The following CPT1B variants were observed in gnomAD, a reference collection of about 807,000 sequenced individuals.
CPT1B encodes the protein carnitine O-palmitoyltransferase 1, muscle isoform.
CPT1B carries 57 observed loss-of-function variants against 92.7 expected under a neutral mutation model. That is an observed-to-expected ratio of 0.62 (90% CI 0.50 to 0.77). CPT1B has a LOEUF of 0.77. Among genes scored for constraint, CPT1B ranks in the 30% least tolerant of loss-of-function variants. The pLI is 0.00. For missense variants in CPT1B, 983 were observed against 1,017.4 expected (o/e 0.97, Z 0.46); for synonymous variants, 398 against 383.5 (o/e 1.04, Z -0.44).
chr22:50,577,959 C>T, intron 1 of CPT1B, 25 bp from the exon 2 acceptor site: 1 of 1,572,640 alleles, frequency 6.4e-7, no homozygotes, highest in Non-Finnish European at 8.7e-7. Flanking sequence ...GATGGGTGCG[C>T]GGGCGCGCTT....
At position 50,574,683 on chromosome 22, in the gene CPT1B, G is replaced by A. The variant is rs190469616; in HGVS notation, c.778-83C>T. 2.4e-5 allele frequency: 25 copies of A among 1,043,072 alleles called. No homozygotes were observed. The Admixed American group carries it at 3.2e-4, about 13-fold the overall frequency. 64.6% of individuals were successfully genotyped at this position (1,043,072 alleles called of 1,614,324 possible). On this transcript the variant is annotated intron_variant, in intron 7 of 19. Coordinates refer to ENST00000312108, the MANE Select transcript of CPT1B (RefSeq NM_152246.3). ...TGCTGACCCAAGGACCAATCTATTC[G>A]GGGGCCTGAGGTGTTCTGTCTCCCT...
Position 50,573,002 on chromosome 22 carries a change from A to C in CPT1B, c.1225T>G (p.Leu409Val). The C allele has an allele frequency of 6.2e-7, 1 of 1,613,476 alleles. No individual in the cohort carries two copies. The highest frequency in any genetic ancestry group is 1.1e-5 in the South Asian group (1 of 91,076). ...AAAGCGGCACGCTCGATGGCCTCCAAGGCAGCCTTATTCTTTCCAGAGCTA... is the reference window on the plus strand; with the variant it reads ...AAAGCGGCACGCTCGATGGCCTCCACGGCAGCCTTATTCTTTCCAGAGCTA... The part of the protein sequence containing the change: ...FFSSGKNKAA[L>V]EAIERAAFFV... The change falls in exon 11 of 20, where the codon TTG becomes GTG. Residue 409 changes from leucine (L) to valine (V), a missense_variant. Transcript: ENST00000312108. This position sits in a 1 kb window ranked among gnomAD's most constrained non-coding sequence, Gnocchi z 5.0.
In CPT1B at chr22:50,574,355, C is replaced by T. The variant is rs778804317; in HGVS notation, c.950G>A (p.Arg317Gln). The part of the protein sequence containing the change: ...YQMERMFNTT[R>Q]IPGKDTDVLQ... Reference sequence around the variant, plus strand: ...GTTACCTGTGTCCTTGCCCGGGATCCGAGTGGTGTTGAACATCCTCTCCAT... The same window carrying T: ...GTTACCTGTGTCCTTGCCCGGGATCTGAGTGGTGTTGAACATCCTCTCCAT... Residue 317 changes from arginine (R) to glutamine (Q), a missense_variant, in exon 9 of 20, where the codon CGG becomes CAG. Coordinates refer to ENST00000312108, the MANE Select transcript of CPT1B (RefSeq NM_152246.3). 1.7e-5 allele frequency: 28 copies of T among 1,613,378 alleles called. No individual in the cohort carries two copies. Among genetic ancestry groups the T allele is most frequent in the Middle Eastern group, 1.6e-4 (1 of 6,078 alleles).
chr22:50,576,700 A>T, intron 4 of CPT1B, 63 bp from the exon 5 acceptor site: 1 of 1,567,810 alleles, frequency 6.4e-7, no homozygotes, highest in South Asian at 1.1e-5. Context: ...CCAACCAGCA[A>T]CTCCCTGAGA....
Position 50,577,312 on chromosome 22 carries a change from T to C in CPT1B, c.281+12A>G. ...CTGGTGGCACCTGTGCCCTTCCAGT[T>C]TCACTCCTTACCCCTGAGGGAGGCA... On this transcript the variant is annotated intron_variant, in intron 3 of 19. Transcript: ENST00000312108. 1.2e-6 allele frequency: 2 copies of C among 1,613,402 alleles called. No individual in the cohort carries two copies. Among genetic ancestry groups the C allele is most frequent in the Non-Finnish European group, 1.7e-6 (2 of 1,179,858 alleles).
In CPT1B at chr22:50,569,413, C is replaced by A. The variant is rs2070046169; in HGVS notation, c.2244G>T (p.Gln748His). The change falls in exon 19 of 20, where the codon CAG (glutamine) becomes CAT (histidine). Residue 748 changes from glutamine to histidine, a missense_variant. Transcript: ENST00000312108. ...CTTTGCGGATGTGGTTTCCAAAGCG[C>A]TGGGCGTTCTGTGGGAGCCAAGAGT... The part of the protein sequence containing the change: ...SKFSSSETNA[Q>H]RFGNHIRKAL... 11 of 1,614,102 alleles carry A rather than the reference C, an allele frequency of 6.8e-6. No individual in the cohort carries two copies. The highest frequency in any genetic ancestry group is 9.3e-6 in the Non-Finnish European group (11 of 1,180,002).
intron 13 of CPT1B, 115 bp from the exon 14 acceptor site, chr22:50,571,654 A>G: frequency 8.4e-7 from 1 of 1,189,882 alleles, no homozygotes; most frequent in Non-Finnish European, 1.2e-6. Flanking sequence ...CGGCCAAGAC[A>G]TCTTCAGGAG....
At position 50,569,411 on chromosome 22, in the gene CPT1B, C is replaced by T. The variant is rs745927071; in HGVS notation, c.2246G>A (p.Arg749His). 7.4e-6 allele frequency: 12 copies of T among 1,613,980 alleles called. No individual in the cohort carries two copies. Among genetic ancestry groups the T allele is most frequent in the Admixed American group, 5.0e-5 (3 of 59,996 alleles). Reference protein sequence around the residue: ...KFSSSETNAQRFGNHIRKALL... With the variant: ...KFSSSETNAQHFGNHIRKALL... ...GGCTTTGCGGATGTGGTTTCCAAAG[C>T]GCTGGGCGTTCTGTGGGAGCCAAGA... Residue 749 changes from arginine (R) to histidine (H), a missense_variant, in exon 19 of 20, where the codon CGC becomes CAC. Coordinates refer to ENST00000312108, the MANE Select transcript of CPT1B (RefSeq NM_152246.3).
rs531495199 is a variant in CPT1B at position 50,576,723 on chromosome 22, T to C, written c.460-86A>G. 28 of 1,554,508 alleles carry C rather than the reference T, an allele frequency of 1.8e-5. No homozygotes were observed. The South Asian group carries it at 2.7e-4, about 15-fold the overall frequency. On this transcript the variant is annotated intron_variant, in intron 4 of 19. Coordinates refer to ENST00000312108, the MANE Select transcript of CPT1B (RefSeq NM_152246.3). The stretch of plus-strand genomic sequence containing the variant: ...CAACTCCCTGAGACCCTCAGAGCCA[T>C]CCCAGCCCCTCCAGGACAAACCACA...
chr22:50,574,745 C>T, intron 7 of CPT1B, 145 bp from the exon 8 acceptor site: 1 of 650,646 alleles, frequency 1.5e-6, no homozygotes, highest in East Asian at 2.6e-5. Flanking sequence ...CGGGGTGAAC[C>T]TCCAGAAATG....
Position 50,570,234 on chromosome 22 carries a change from C to T in CPT1B, c.2142+59G>A, listed in dbSNP as rs926360384. ...CTCGTCTGACCTCAGGGCCTGCACT[C>T]GCCACTGAAACCCTCAGGGCCCTGG... On this transcript the variant is annotated intron_variant, in intron 17 of 19. Transcript: ENST00000312108. 36 of 1,301,034 alleles carry T rather than the reference C, an allele frequency of 2.8e-5. No homozygotes were observed. The South Asian group carries it at 3.1e-4, about 11-fold the overall frequency. The allele number at this position is 1,301,034 out of a possible 1,614,324, so 80.6% of individuals were successfully genotyped here. A position where few individuals can be genotyped will look rare whatever the true frequency, so the allele number is the denominator to read the frequency against.
chr22:50,577,507 G>A, intron 2 of CPT1B, 44 bp from the exon 3 acceptor site: 2 of 1,607,156 alleles, frequency 1.2e-6, no homozygotes, highest in Non-Finnish European at 1.7e-6. Context: ...GAAGGCGGGA[G>A]GTTAGCCTGC....
Position 50,569,637 on chromosome 22 carries a change from A to G in CPT1B, c.2174T>C (p.Met725Thr), listed in dbSNP as rs965904059. 4.3e-6 allele frequency: 7 copies of G among 1,614,060 alleles called. No individual in the cohort carries two copies. In the African/African-American group the frequency reaches 5.3e-5, roughly 12 times the overall value. Residue 725 changes from methionine to threonine, a missense_variant, in exon 18 of 20, where the codon ATG becomes ACG. Coordinates refer to ENST00000312108, the MANE Select transcript of CPT1B (RefSeq NM_152246.3). The stretch of plus-strand genomic sequence containing the variant: ...GAAGATCGTGTTCTCGCCTGCAATC[A>G]TGTAGGAAACTCCATAGCCATCATC... ...VADDGYGVSY[M>T]IAGENTIFFH...
intron 9 of CPT1B, 87 bp downstream of exon 9, chr22:50,574,248 G>A: frequency 2.0e-6 from 2 of 1,022,912 alleles, no homozygotes; most frequent in Non-Finnish European, 1.5e-6. Context: ...AGGACCCTGA[G>A]ACACTGGGGA....
chr22:50,569,231 T>G, intron 19 of CPT1B, 105 bp downstream of exon 19: 1 of 1,129,352 alleles, frequency 8.9e-7, no homozygotes, highest in Non-Finnish European at 1.3e-6. Flanking sequence ...GGAGCTGTCC[T>G]TGGAGCCTGG....
In CPT1B at chr22:50,569,266, T is replaced by C. The variant is rs931654395; in HGVS notation, c.*2+70A>G. 12 of 1,500,834 alleles carry C rather than the reference T, an allele frequency of 8.0e-6. No individual in the cohort carries two copies. In the African/African-American group the frequency reaches 1.1e-4, roughly 14 times the overall value. The allele number at this position is 1,500,834 out of a possible 1,614,324, so 93.0% of individuals were successfully genotyped here. A position where few individuals can be genotyped will look rare whatever the true frequency, so the allele number is the denominator to read the frequency against. On this transcript the variant is annotated intron_variant, in intron 19 of 19. Coordinates refer to ENST00000312108, the MANE Select transcript of CPT1B (RefSeq NM_152246.3). ...GGCACCTGTGCACGGCCACCCCTCA[T>C]GCCTGTGAGCTGCCACAGGTCCCTT...
In CPT1B at chr22:50,578,039, C is replaced by T. The variant is rs550926670; in HGVS notation, c.-19-105G>A. 4.4e-4 allele frequency: 312 copies of T among 708,778 alleles called. 1 individual carries two copies. The African/African-American group carries it at 5.6e-3, about 13-fold the overall frequency. 43.9% of individuals were successfully genotyped at this position (708,778 alleles called of 1,614,324 possible). On this transcript the variant is annotated intron_variant, in intron 1 of 19. Transcript: ENST00000312108. ...CCGCGACCCCTCGCGCCCCCCACCC[C>T]GCGACTAGCGGCTGCCCCCGGCCCG...
At chr22:50,575,669 C>T (rs2070396549) in intron 7 of CPT1B, among the ~76,000 whole-genome samples, 1 of 152,228 alleles carries the variant, frequency 6.6e-6, no homozygotes, top group Non-Finnish European at 1.5e-5. Context: ...AAGACACGTT[C>T]TAGACAATTC....
rs758788118 is a variant in CPT1B, at chr22:50,572,964, C to T, written c.1263G>A (p.Leu421=). 1.2e-6 allele frequency: 2 copies of T among 1,613,858 alleles called. No individual in the cohort carries two copies. Among genetic ancestry groups the T allele is most frequent in the Non-Finnish European group, 1.7e-6 (2 of 1,179,906 alleles). ...AIERAAFFVA[L]DEESYSYDPE... ...GGTCATAGGAGTAGGATTCCTCATC[C>T]AGGGCCACGAAGAAAGCGGCACGCT... is the stretch of plus-strand genomic sequence containing the variant. The change falls in exon 11 of 20, where the codon CTG becomes CTA. Residue 421 remains leucine, a synonymous_variant. Coordinates refer to ENST00000312108, the MANE Select transcript of CPT1B (RefSeq NM_152246.3).
Sources: allele counts gnomAD v4.1 joint callset (sites outside exome capture counted in the v4.1 genomes callset), GRCh38; gene constraint gnomAD v4.1.1; non-coding constraint Gnocchi (gnomAD v3.1); transcripts MANE v1.5; gene names NCBI Gene and HGNC (gene_info 2026-07-23, HGNC 2026-07-21).